The following SAFB2 variants were observed in gnomAD, a reference collection of about 807,000 sequenced individuals.
SAFB2 encodes scaffold attachment factor B2.
A neutral mutation model predicts 100.6 loss-of-function variants in SAFB2; 32 were observed. That is an observed-to-expected ratio of 0.32 (90% confidence interval 0.24 to 0.43). The LOEUF is 0.43. Among genes scored for constraint, SAFB2 ranks in the 20% least tolerant of loss-of-function variants. SAFB2 has a pLI of 1.00. For missense variants in SAFB2, 1,185 were observed against 1,163.4 expected (o/e 1.02, Z -0.27); for synonymous variants, 500 against 439.4 (o/e 1.14, Z -1.72).
intron 15 of SAFB2, 141 bp downstream of exon 15, chr19:5,593,750 G>A (rs1479748735): frequency 1.1e-6 from 1 of 904,296 alleles, no homozygotes; most frequent in Non-Finnish European, 1.5e-6. Context: ...AGATCGGCGG[G>A]GGGTCCCCAA....
chr19:5,595,248 G>T, intron 14 of SAFB2, 113 bp downstream of exon 14: 1 of 1,406,852 alleles, frequency 7.1e-7, no homozygotes. Flanking sequence ...ACACCCGCCA[G>T]CCCAGGCACT....
rs780664950 is a variant in SAFB2, at chr19:5,587,244, T to C, written c.2861A>G (p.Ter954=). Residue 954 remains the stop codon, a stop_retained_variant, in exon 21 of 21, where the codon TAA becomes TGA. Coordinates refer to ENST00000252542, the MANE Select transcript of SAFB2 (RefSeq NM_014649.3). The surrounding 1 kb of genome is among the most constrained non-coding windows in gnomAD (Gnocchi z 4.9). Reference sequence around the variant, plus strand: ...CCGAAAACTCGCAGCGAGTGGGACTTAGTAGCGGCGGGTGAAGTGGGGGTA... The same window carrying C: ...CCGAAAACTCGCAGCGAGTGGGACTCAGTAGCGGCGGGTGAAGTGGGGGTA... ...PPYPHFTRRY[*] is the part of the protein sequence containing the mutation. 2 of 1,613,260 alleles carry C rather than the reference T, an allele frequency of 1.2e-6. No homozygotes were observed. The highest frequency in any genetic ancestry group is 2.2e-5 in the South Asian group (2 of 91,020).
At chr19:5,602,408 A>C (rs895881390) in intron 11 of SAFB2, among the ~76,000 whole-genome samples, 8 of 129,730 alleles carry the variant, frequency 6.2e-5, no homozygotes, top group Admixed American at 9.8e-5. Flanking sequence ...TGAACCCGGG[A>C]GGCGGAGCTT....
intron 12 of SAFB2, among the ~76,000 whole-genome samples, chr19:5,599,794 C>A (rs1315113830): frequency 6.6e-6 from 1 of 152,060 alleles, no homozygotes; most frequent in Non-Finnish European, 1.5e-5. Context: ...TGCACACCTG[C>A]AAAATAGCAT....
intron 9 of SAFB2, among the ~76,000 whole-genome samples, chr19:5,608,461 G>A (rs2052825619): frequency 6.6e-6 from 1 of 152,170 alleles, no homozygotes; most frequent in South Asian, 2.1e-4. Context: ...GTTATTCATG[G>A]CTATAAGAAT....
chr19:5,617,958 C>A (rs183962583), intron 2 of SAFB2, among the ~76,000 whole-genome samples: 1 of 152,176 alleles, frequency 6.6e-6, no homozygotes, highest in African/African-American at 2.4e-5. Context: ...GTTCGGGCAA[C>A]AAAGTGAGAC....
At chr19:5,590,222 A>G (rs766033745) in intron 18 of SAFB2, 56 bp downstream of exon 18, 309 of 1,391,802 alleles carry the variant, frequency 2.2e-4, no homozygotes, top group Non-Finnish European at 2.8e-4. Context: ...CCAGGCACCA[A>G]CCTTTTCCCA....
At position 5,622,554 on chromosome 19, in the gene SAFB2, G is replaced by A. The variant is rs1440049935; in HGVS notation, c.162C>T (p.Ser54=). The change falls in exon 1 of 21, where the codon AGC becomes AGT. Residue 54 remains serine, a synonymous_variant. Transcript: ENST00000252542. ...CCTTCTTGAGCCGCTCCATCAGGAC[G>A]CTCTTGTTGCCGCCCGTGTCCAGGT... ...KRNLDTGGNK[S]VLMERLKKAV... The A allele has an allele frequency of 3.7e-6, 6 of 1,613,078 alleles. No homozygotes were observed. The highest frequency in any genetic ancestry group is 2.2e-5 in the East Asian group (1 of 44,820).
chr19:5,622,683 C>CGAGTCGCCCGACCCGGGCA lies in SAFB2; in HGVS notation c.14_32dup (p.Gly12AlafsTer60). On this transcript the variant is annotated frameshift_variant, in exon 1 of 21. Coordinates refer to ENST00000252542, the MANE Select transcript of SAFB2 (RefSeq NM_014649.3). LOFTEE classifies it high-confidence loss of function. ...GGCCGAGAGAAGCCGTGCCAGGGCCCGAGTCGCCCGACCCGGGCAGAGTCT... is the reference window on the plus strand; with the variant it reads ...GGCCGAGAGAAGCCGTGCCAGGGCCCGAGTCGCCCGACCCGGGCAGAGTCGCCCGACCCGGGCAGAGTCT... The CGAGTCGCCCGACCCGGGCA allele has an allele frequency of 6.2e-7, 1 of 1,606,492 alleles. No homozygotes were observed.
chr19:5,595,322 G>C (rs374763307), intron 14 of SAFB2, 39 bp downstream of exon 14: 14 of 1,592,680 alleles, frequency 8.8e-6, no homozygotes, highest in Non-Finnish European at 1.2e-5. Context: ...CACCCCGAGA[G>C]GAAACCACCA....
In SAFB2 at chr19:5,590,391, G is replaced by A. The variant is rs767805977; in HGVS notation, c.2412C>T (p.Arg804=). The change falls in exon 18 of 21, where the codon CGC becomes CGT. Residue 804 remains arginine, a synonymous_variant. Coordinates refer to ENST00000252542, the MANE Select transcript of SAFB2 (RefSeq NM_014649.3). ...GCTCTGGGGGTCCTCCGTGGCCATG[G>A]CGGTCATCTCCATAGTGCTGGAAGG... is the stretch of plus-strand genomic sequence containing the variant. The part of the protein sequence containing the change: ...HRDGQHYGDD[R]HGHGGPPERH... 1.2e-6 allele frequency: 2 copies of A among 1,611,008 alleles called. No homozygotes were observed. The highest frequency in any genetic ancestry group is 1.7e-5 in the Admixed American group (1 of 59,678).
intron 15 of SAFB2, among the ~76,000 whole-genome samples, chr19:5,593,259 C>G (rs941895702): frequency 4.6e-5 from 7 of 152,212 alleles, no homozygotes; most frequent in African/African-American, 1.7e-4. Flanking sequence ...TCCACGGGAG[C>G]CTGAATCTCC....
At position 5,587,340 on chromosome 19, in the gene SAFB2, A is replaced by G. The variant is rs200515183; in HGVS notation, c.2765T>C (p.Leu922Pro). ...SQGHVVPGGGLEGGGVASQDR... is the reference protein window; with the variant it reads ...SQGHVVPGGGPEGGGVASQDR... ...CTGGCTGGCCACTCCGCCACCTTCC[A>G]GTCCGCCACCTGGCACCACGTGGCC... The change falls in exon 21 of 21, where the codon CTG (leucine) becomes CCG (proline). Residue 922 changes from leucine (L) to proline (P), a missense_variant. By Grantham distance (98) the Leu-to-Pro change is moderately conservative. Coordinates refer to ENST00000252542, the MANE Select transcript of SAFB2 (RefSeq NM_014649.3). The surrounding 1 kb of genome is among the most constrained non-coding windows in gnomAD (Gnocchi z 4.9). The G allele has an allele frequency of 2.5e-6, 4 of 1,613,230 alleles. No homozygotes were observed. Among genetic ancestry groups the G allele is most frequent in the Non-Finnish European group, 3.4e-6 (4 of 1,179,744 alleles).
At chr19:5,611,743 T>C (rs1406425221) in intron 6 of SAFB2, 113 bp from the exon 7 acceptor site, 1 of 462,858 alleles carries the variant, frequency 2.2e-6, no homozygotes, top group African/African-American at 2.1e-5. Context: ...AACTGCTAGC[T>C]ACACAGAGAT....
chr19:5,601,166 C>A, intron 11 of SAFB2, among the ~76,000 whole-genome samples: 1 of 152,250 alleles, frequency 6.6e-6, no homozygotes, highest in Admixed American at 6.5e-5. Context: ...TATATATATA[C>A]CATTTTGAGA....
In SAFB2 at chr19:5,587,195, A is replaced by G; in HGVS notation, c.*48T>C. ...CAAGTTCGAGGGAACCCTGGCTACC[A>G]GATTCAACAGTGCGTCTGCCCACCC... On this transcript the variant is annotated 3_prime_UTR_variant, in exon 21 of 21. Coordinates refer to ENST00000252542, the MANE Select transcript of SAFB2 (RefSeq NM_014649.3). This position sits in a 1 kb window ranked among gnomAD's most constrained non-coding sequence, Gnocchi z 4.9. 2 of 1,593,036 alleles carry G rather than the reference A, an allele frequency of 1.3e-6. No homozygotes were observed. Among genetic ancestry groups the G allele is most frequent in the Non-Finnish European group, 1.7e-6 (2 of 1,164,088 alleles).
At chr19:5,589,714 G>C (rs1388583631) in intron 18 of SAFB2, among the ~76,000 whole-genome samples, 1 of 152,160 alleles carries the variant, frequency 6.6e-6, no homozygotes, top group East Asian at 1.9e-4. Flanking sequence ...ACAAGGCTCA[G>C]AACAGCACCC....
chr19:5,606,912 A>G (rs578050551), intron 9 of SAFB2, among the ~76,000 whole-genome samples: 1 of 152,338 alleles, frequency 6.6e-6, no homozygotes, highest in South Asian at 2.1e-4. Context: ...AAAGCAACGA[A>G]GAGCACCTGG....
intron 2 of SAFB2, 96 bp downstream of exon 2, chr19:5,621,213 G>A (rs2145367309): frequency 1.2e-6 from 1 of 825,882 alleles, no homozygotes; most frequent in South Asian, 1.4e-5. Flanking sequence ...GAGTACCAGA[G>A]AAATTCTCCC....
Sources: gnomAD v4.1 joint callset for allele counts (sites outside exome capture counted in the v4.1 genomes callset) on GRCh38, gnomAD v4.1.1 for gene constraint, Gnocchi (gnomAD v3.1) non-coding constraint, MANE v1.5 for transcripts, NCBI Gene and HGNC (gene_info 2026-07-23, HGNC 2026-07-21) for gene names.